Variants in INAVA observed in about 807,000 individuals in gnomAD.
The protein encoded by INAVA is innate immunity activator protein.
INAVA carries 32 observed loss-of-function variants against 55.3 expected under a neutral mutation model. The observed-to-expected ratio is 0.58, with a 90% CI of 0.44 to 0.78. The LOEUF is 0.78. Among genes scored for constraint, INAVA ranks in the 30% least tolerant of loss-of-function variants. INAVA has a pLI of 0.00. For synonymous variants in INAVA, 294 were observed against 329.4 expected, an observed-to-expected ratio of 0.89 and a Z score of 1.16; for missense variants, 756 against 786.4, an observed-to-expected ratio of 0.96 and a Z score of 0.46.
chr1:200,909,089 T>A, intron 7 of INAVA, 135 bp from the exon 8 acceptor site: 1 of 1,300,662 alleles, frequency 7.7e-7, no homozygotes, highest in South Asian at 1.5e-5. Flanking sequence ...TGAGCCTTGA[T>A]AGTTCCCCAA....
upstream of INAVA, among the ~76,000 whole-genome samples, chr1:200,892,672 T>C (rs1571854983): frequency 6.6e-6 from 1 of 152,068 alleles, no homozygotes; most frequent in Admixed American, 6.6e-5. Context: ...CTGACTGGAG[T>C]GGGGAGCTGT....
Position 200,894,956 on chromosome 1 carries a change from G to T in INAVA, c.-226G>T. The T allele has an allele frequency of 1.0e-6, 1 of 985,830 alleles. No individual in the cohort carries two copies. Among genetic ancestry groups the T allele is most frequent in the Non-Finnish European group, 1.2e-6 (1 of 830,164 alleles). 61.1% of individuals were successfully genotyped at this position (985,830 alleles called of 1,614,324 possible). ...GTGAGCCGAGACGGACGGACGGCCA[G>T]CAGCTCCGTCAGCTGGAGAGAGAGC... On this transcript the variant is annotated 5_prime_UTR_variant, in exon 1 of 10. Coordinates refer to ENST00000413687, the MANE Select transcript of INAVA (RefSeq NM_001142569.3).
Position 200,911,527 on chromosome 1 carries a change from C to A in INAVA, c.1034C>A (p.Thr345Lys), listed in dbSNP as rs150140877. Residue 345 changes from threonine (T) to lysine (K), a missense_variant, in exon 9 of 10, where the codon ACG (threonine) becomes AAG (lysine). This residue lies in a region of INAVA where 639 missense variants were observed against 624.3 expected (regional missense o/e 1.02). Transcript: ENST00000413687. ...AFPRRRPTHYTVTVPDSCFPA... is the reference protein window; with the variant it reads ...AFPRRRPTHYKVTVPDSCFPA... ...CCCCGCCGCCGCCCCACTCACTACA[C>A]GGTGACAGTGCCAGATTCCTGCTTT... is the stretch of plus-strand genomic sequence containing the variant. 378 of 1,613,782 alleles carry A rather than the reference C, an allele frequency of 2.3e-4. No homozygotes were observed. The highest frequency in any genetic ancestry group is 2.9e-4 in the Non-Finnish European group (346 of 1,179,988).
In INAVA at chr1:200,911,278, C is replaced by T. The variant is rs187405542; in HGVS notation, c.960-175C>T. Among the ~76,000 whole-genome samples, 81 of 152,142 alleles carry T rather than the reference C, an allele frequency of 5.3e-4. 1 individual carries two copies. The highest frequency in any genetic ancestry group is 8.5e-4 in the Non-Finnish European group (58 of 68,004). On this transcript the variant is annotated intron_variant, in intron 8 of 9. Coordinates refer to ENST00000413687, the MANE Select transcript of INAVA (RefSeq NM_001142569.3). ...GGAATGCGTTGGCACCCACGCAGCCCGGCAGAGGGTTTGTTGGTTTGCTTT... is the reference window on the plus strand; with the variant it reads ...GGAATGCGTTGGCACCCACGCAGCCTGGCAGAGGGTTTGTTGGTTTGCTTT...
chr1:200,913,888 G>A lies in INAVA; in HGVS notation c.*259G>A. 1 of 448,366 alleles carries A rather than the reference G, an allele frequency of 2.2e-6. No individual in the cohort carries two copies. The allele number at this position is 448,366 out of a possible 1,614,324, so 27.8% of individuals were successfully genotyped here. A position where few individuals can be genotyped will look rare whatever the true frequency, so the allele number is the denominator to read the frequency against. On this transcript the variant is annotated 3_prime_UTR_variant, in exon 10 of 10. Transcript: ENST00000413687. ...TTTGGCCTACTGGACTTAAGGCCTTGCCTGTCTGACTGACAGCCTCTATCT... is the reference window on the plus strand; with the variant it reads ...TTTGGCCTACTGGACTTAAGGCCTTACCTGTCTGACTGACAGCCTCTATCT...
At position 200,900,404 on chromosome 1, in the gene INAVA, G is replaced by A. The variant is rs35503866; in HGVS notation, c.297+184G>A. 4.7e-3 allele frequency among the ~76,000 whole-genome samples: 709 copies of A among 152,330 alleles called. 2 individuals carry two copies. Among genetic ancestry groups the A allele is most frequent in the Non-Finnish European group, 7.7e-3 (523 of 68,022 alleles). ...GCCCAAATGGCTGTGGAGAAGGGGC[G>A]CCACTAAGGAACCGAGAGCTGGGAG... On this transcript the variant is annotated intron_variant, in intron 4 of 9. Transcript: ENST00000413687.
At chr1:200,891,595 G>T (rs775209934), upstream of INAVA, 1 of 1,573,550 alleles carries the variant, frequency 6.4e-7, no homozygotes, top group South Asian at 1.2e-5. Flanking sequence ...AGGCCGCAGG[G>T]AGGCTCGGGG....
rs1571871018 is a variant in INAVA at position 200,909,241 on chromosome 1, C to T, written c.803C>T (p.Pro268Leu). The T allele has an allele frequency of 1.9e-6, 3 of 1,559,082 alleles. No individual in the cohort carries two copies. The highest frequency in any genetic ancestry group is 1.7e-4 in the Middle Eastern group (1 of 5,834). The change falls in exon 8 of 10, where the codon CCA (proline) becomes CTA (leucine). Residue 268 changes from proline (P) to leucine (L), a missense_variant. Pro to Leu is a moderately conservative substitution (Grantham distance 98). Around this residue, in one of 2 missense-constraint regions of INAVA, gnomAD observed 639 missense variants for 624.3 expected, o/e 1.02. Coordinates refer to ENST00000413687, the MANE Select transcript of INAVA (RefSeq NM_001142569.3). ...TTTTGCAGCAGCCCAGCCACCACAC[C>T]ACAGGATGGGCCCAGTGCCTCCAGC... ...WSESSSPATTPQDGPSASSLW... is the reference protein window; with the variant it reads ...WSESSSPATTLQDGPSASSLW...
chr1:200,903,501 A>G (rs966664116), intron 5 of INAVA, among the ~76,000 whole-genome samples: 1 of 151,978 alleles, frequency 6.6e-6, no homozygotes, highest in Non-Finnish European at 1.5e-5. Flanking sequence ...AACAAAAAAC[A>G]AAACAAAACA....
chr1:200,909,355 C>T lies in INAVA; in HGVS notation c.917C>T (p.Thr306Ile). Residue 306 changes from threonine (T) to isoleucine (I), a missense_variant, in exon 8 of 10, where the codon ACC becomes ATC. This residue lies in a region of INAVA where 639 missense variants were observed against 624.3 expected (regional missense o/e 1.02). Coordinates refer to ENST00000413687, the MANE Select transcript of INAVA (RefSeq NM_001142569.3). ...QWQGRTSAPA[T>I]PEIQGRRGQS... ...CAGGGCCGCACCAGTGCCCCAGCCA[C>T]CCCTGAGATACAGGGGAGGAGGGGC... 2 of 1,609,830 alleles carry T rather than the reference C, an allele frequency of 1.2e-6. No homozygotes were observed. The highest frequency in any genetic ancestry group is 8.5e-7 in the Non-Finnish European group (1 of 1,177,780).
At chr1:200,907,783 G>C in intron 5 of INAVA, 51 bp from the exon 6 acceptor site, 1 of 1,534,222 alleles carries the variant, frequency 6.5e-7, no homozygotes, top group Non-Finnish European at 9.0e-7. Flanking sequence ...ACTCATATCT[G>C]TTTGTTCATT....
intron 8 of INAVA, 143 bp from the exon 9 acceptor site, chr1:200,911,309 AC>A (rs761961330): frequency 7.8e-5 from 62 of 790,498 alleles, no homozygotes; most frequent in Non-Finnish European, 1.2e-4. Context: ...GCTTTGGGAG[AC>A]TTGACCTAAG....
chr1:200,891,608 A>AG, upstream of INAVA: 23 of 1,555,000 alleles, frequency 1.5e-5, no homozygotes, highest in Non-Finnish European at 2.0e-5. Flanking sequence ...GCTCGGGGGG[A>AG]GGGAAGATGG....
intron 5 of INAVA, among the ~76,000 whole-genome samples, chr1:200,904,775 C>T (rs1228628265): frequency 1.3e-5 from 2 of 150,676 alleles, no homozygotes; most frequent in Non-Finnish European, 2.9e-5. Flanking sequence ...TTCTGTTGCT[C>T]AGGCTGGAGT....
At chr1:200,891,558 G>C (rs780349432), upstream of INAVA, 1 of 1,603,726 alleles carries the variant, frequency 6.2e-7, no homozygotes. Flanking sequence ...AAATGCCGAA[G>C]TTAAATGAAA....
At chr1:200,899,900 T>C (rs1653159767) in intron 3 of INAVA, among the ~76,000 whole-genome samples, 1 of 151,932 alleles carries the variant, frequency 6.6e-6, no homozygotes, top group Admixed American at 6.5e-5. Flanking sequence ...CTGGAGGAAG[T>C]GATCAGAAAG....
chr1:200,909,461 G>A (rs1206869431), intron 8 of INAVA, 64 bp downstream of exon 8: 2 of 1,371,588 alleles, frequency 1.5e-6, no homozygotes, highest in African/African-American at 2.9e-5. Context: ...GAGGGTGGGA[G>A]CTCCCAGGAC....
At chr1:200,899,146 AAGG>A (rs1331647771) in intron 2 of INAVA, among the ~76,000 whole-genome samples, 14 of 151,402 alleles carry the variant, frequency 9.2e-5, no homozygotes, top group East Asian at 7.8e-4. Context: ...CAGGAAGAAG[AAGG>A]AGAAGGAAAA....
chr1:200,910,701 C>T (rs1297760823), intron 8 of INAVA, among the ~76,000 whole-genome samples: 1 of 152,250 alleles, frequency 6.6e-6, no homozygotes, highest in Non-Finnish European at 1.5e-5. Context: ...CCTGCCTCAG[C>T]CTCCTGAGTA....
Sources: gnomAD v4.1 joint callset for allele counts (sites outside exome capture counted in the v4.1 genomes callset) on GRCh38, gnomAD v4.1.1 for gene constraint, gnomAD v4.1.1 regional missense constraint, MANE v1.5 for transcripts, NCBI Gene and HGNC (gene_info 2026-07-23, HGNC 2026-07-21) for gene names.